The following TAS2R1 variants were observed in gnomAD, a reference collection of about 807,000 sequenced individuals.
TAS2R1 encodes the protein taste receptor type 2 member 1.
For missense variants in TAS2R1, 370 were observed against 353.4 expected, an observed-to-expected ratio of 1.05 and a Z score of -0.38; for synonymous variants, 141 against 134.2, an observed-to-expected ratio of 1.05 and a Z score of -0.35.
chr5:9,814,467 T>C, the TAS2R1 span, among the ~76,000 whole-genome samples: 3 of 152,194 alleles, frequency 2.0e-5, no homozygotes, highest in African/African-American at 7.2e-5. Flanking sequence ...TCCACTGTTC[T>C]CGAGCCCATT....
the TAS2R1 span, among the ~76,000 whole-genome samples, chr5:9,755,873 G>C: frequency 7.9e-5 from 12 of 152,296 alleles, no homozygotes; most frequent in African/African-American, 2.9e-4. Flanking sequence ...AGGACAGTCA[G>C]AGGTGACTCT....
chr5:9,775,536 A>T, the TAS2R1 span, among the ~76,000 whole-genome samples: 3 of 152,090 alleles, frequency 2.0e-5, no homozygotes, highest in African/African-American at 7.2e-5. Context: ...AAATGTGCTG[A>T]GTCATATCTG....
At chr5:9,820,621 G>A in the TAS2R1 span, among the ~76,000 whole-genome samples, 10 of 151,898 alleles carry the variant, frequency 6.6e-5, no homozygotes, top group Non-Finnish European at 1.5e-4. Flanking sequence ...CTGAAAACCC[G>A]GCCTGAGAGA....
chr5:9,875,369 C>A, the TAS2R1 span, among the ~76,000 whole-genome samples: 3 of 152,216 alleles, frequency 2.0e-5, no homozygotes, highest in African/African-American at 7.2e-5. Context: ...AGCTCCTGTG[C>A]TTCCATCTTG....
At chr5:9,870,626 A>G in the TAS2R1 span, among the ~76,000 whole-genome samples, 2 of 152,346 alleles carry the variant, frequency 1.3e-5, no homozygotes, top group South Asian at 4.1e-4. Flanking sequence ...ATAGGCAAAT[A>G]AATAATGGCA....
At chr5:9,865,292 T>C in the TAS2R1 span, among the ~76,000 whole-genome samples, 2 of 152,230 alleles carry the variant, frequency 1.3e-5, no homozygotes, top group Admixed American at 1.3e-4. Context: ...GACAAAGTCA[T>C]GGGTCAAGTA....
the TAS2R1 span, among the ~76,000 whole-genome samples, chr5:9,732,158 C>T: frequency 4.9e-4 from 75 of 152,190 alleles, no homozygotes; most frequent in Middle Eastern, 3.4e-3. Flanking sequence ...TGGGAAAGAA[C>T]GAGATTTGCC....
At chr5:9,773,496 A>ATT in the TAS2R1 span, among the ~76,000 whole-genome samples, 2 of 152,106 alleles carry the variant, frequency 1.3e-5, no homozygotes, top group Non-Finnish European at 1.5e-5. Flanking sequence ...TTTTCTGTGT[A>ATT]TTTACTAATA....
At chr5:9,640,509 A>AAAC (rs1425846998) in intron 2 of TAS2R1, among the ~76,000 whole-genome samples, 2 of 150,374 alleles carry the variant, frequency 1.3e-5, no homozygotes, top group Admixed American at 6.6e-5. Flanking sequence ...AAAAAAAAAA[A>AAAC]AAAAAAAAAA....
At chr5:9,635,496 T>C (rs1739946119) in intron 2 of TAS2R1, among the ~76,000 whole-genome samples, 1 of 152,080 alleles carries the variant, frequency 6.6e-6, no homozygotes, top group South Asian at 2.1e-4. Context: ...TTTCTCTATC[T>C]TTTGGAATAG....
intron 1 of TAS2R1, among the ~76,000 whole-genome samples, chr5:9,690,624 A>C (rs957976407): frequency 6.6e-6 from 1 of 151,996 alleles, no homozygotes; most frequent in African/African-American, 2.4e-5. Flanking sequence ...GGGGGGAAAA[A>C]AGTGTGACTT....
chr5:9,803,736 C>A, the TAS2R1 span, among the ~76,000 whole-genome samples: 6 of 152,148 alleles, frequency 3.9e-5, no homozygotes, highest in Non-Finnish European at 8.8e-5. Flanking sequence ...AGAATTGCTA[C>A]AAGGAGCTCT....
At chr5:9,698,378 A>C (rs960567) in intron 1 of TAS2R1, among the ~76,000 whole-genome samples, 36,540 of 152,116 alleles carry the variant, frequency 0.24, 4,494 homozygotes, top group South Asian at 0.36. Context: ...TTTGATCACT[A>C]CAGCAGTATC....
At chr5:9,708,804 G>C (rs1420961326) in intron 1 of TAS2R1, among the ~76,000 whole-genome samples, 2 of 152,226 alleles carry the variant, frequency 1.3e-5, no homozygotes, top group East Asian at 3.9e-4. Context: ...GACATTTATT[G>C]CTATGTAACA....
the TAS2R1 span, among the ~76,000 whole-genome samples, chr5:9,730,686 C>T: frequency 6.6e-6 from 1 of 152,132 alleles, no homozygotes; most frequent in Non-Finnish European, 1.5e-5. Context: ...GACACCAGGG[C>T]ATGAAGAGTG....
chr5:9,831,460 A>T, the TAS2R1 span, among the ~76,000 whole-genome samples: 5 of 152,150 alleles, frequency 3.3e-5, no homozygotes, highest in Non-Finnish European at 5.9e-5. Context: ...AGAATACAGA[A>T]ATATATATAT....
At chr5:9,874,969 G>T in the TAS2R1 span, among the ~76,000 whole-genome samples, 1 of 152,200 alleles carries the variant, frequency 6.6e-6, no homozygotes, top group East Asian at 1.9e-4. Flanking sequence ...TTATAATAAG[G>T]GTCCTTCTGA....
the TAS2R1 span, among the ~76,000 whole-genome samples, chr5:9,821,280 G>A: frequency 6.6e-6 from 1 of 152,162 alleles, no homozygotes; most frequent in African/African-American, 2.4e-5. Context: ...TTCTAAGTGA[G>A]CAGAGAGAAG....
chr5:9,860,682 A>G, the TAS2R1 span, among the ~76,000 whole-genome samples: 1 of 152,150 alleles, frequency 6.6e-6, no homozygotes, highest in Admixed American at 6.5e-5. Context: ...AGAATATTGG[A>G]GAGCAAGAGT....
Sources: allele counts gnomAD v4.1 joint callset (sites outside exome capture counted in the v4.1 genomes callset), GRCh38; gene constraint gnomAD v4.1.1; transcripts MANE v1.5; gene names NCBI Gene and HGNC (gene_info 2026-07-23, HGNC 2026-07-21).